Variants in SNAP25 observed in about 807,000 individuals in gnomAD.
SNAP25 encodes synaptosome associated protein 25.
Under a neutral mutation model 28.7 loss-of-function variants are expected in SNAP25, and 3 were observed. The ratio of observed to expected loss-of-function variants is 0.10; its 90% CI spans 0.05 to 0.27. The LOEUF is 0.27. Among genes scored for constraint, SNAP25 ranks in the 10% least tolerant of loss-of-function variants. The probability of loss-of-function intolerance (pLI) is 1.00; values close to 1 mark genes in which losing one functional copy is unlikely to be tolerated. For synonymous variants in SNAP25, 61 were observed against 88.1 expected, an observed-to-expected ratio of 0.69 and a Z score of 1.72; for missense variants, 117 against 278.7, an observed-to-expected ratio of 0.42 and a Z score of 4.13.
At chr20:10,223,808 C>T (rs1463889426) in intron 1 of SNAP25, among the ~76,000 whole-genome samples, 1 of 152,212 alleles carries the variant, frequency 6.6e-6, no homozygotes, top group Non-Finnish European at 1.5e-5. Flanking sequence ...CTTCACAAGA[C>T]TCTCAAGCAC....
At chr20:10,280,218 A>G (rs1403659736) in intron 3 of SNAP25, among the ~76,000 whole-genome samples, 1 of 152,208 alleles carries the variant, frequency 6.6e-6, no homozygotes, top group Non-Finnish European at 1.5e-5. Flanking sequence ...AACAGACTCC[A>G]GGGTGTAGCC....
intron 1 of SNAP25, among the ~76,000 whole-genome samples, chr20:10,239,179 G>C (rs1279351462): frequency 6.6e-6 from 1 of 152,168 alleles, no homozygotes; most frequent in African/African-American, 2.4e-5. Context: ...GGAAGAGTAG[G>C]GGGCCTCGAG....
intron 4 of SNAP25, among the ~76,000 whole-genome samples, chr20:10,285,332 A>G (rs1290444731): frequency 1.3e-5 from 2 of 152,262 alleles, no homozygotes. Context: ...AGATTATTAC[A>G]GAAATGCTAG....
At position 10,241,582 on chromosome 20, in the gene SNAP25, G is replaced by C. The variant is rs141760263; in HGVS notation, c.-64+22605G>C. On this transcript the variant is annotated intron_variant, in intron 1 of 7. Transcript: ENST00000254976. ...GCTAAGTAAGAGATTGAAATAGGGT[G>C]AGGTGGTCGAGAGAGACGGGTCAGG... is the stretch of plus-strand genomic sequence containing the variant. Among the ~76,000 whole-genome samples, 1,322 of 152,174 alleles carry C rather than the reference G, an allele frequency of 8.7e-3. 12 individuals carry two copies. The highest frequency in any genetic ancestry group is 0.015 in the South Asian group (73 of 4,812).
chr20:10,298,361 T>C (rs2123152562), intron 6 of SNAP25, among the ~76,000 whole-genome samples: 1 of 152,324 alleles, frequency 6.6e-6, no homozygotes, highest in Middle Eastern at 3.4e-3. Context: ...GGGCTGCTTT[T>C]GAAACCATAA....
chr20:10,270,033 C>T (rs1483726749), intron 1 of SNAP25, among the ~76,000 whole-genome samples: 1 of 152,020 alleles, frequency 6.6e-6, no homozygotes, highest in African/African-American at 2.4e-5. Context: ...GCGGGCGGAT[C>T]ACCTGAGGTC....
chr20:10,229,645 T>C lies in SNAP25; in HGVS notation c.-64+10668T>C, dbSNP rs2062792719. Among the ~76,000 whole-genome samples the C allele has an allele frequency of 2.0e-5, 3 of 152,100 alleles. No homozygotes were observed. The South Asian group carries it at 6.2e-4, about 31-fold the overall frequency. ...GAAAGATTTTGAAAGTCACACTATT[T>C]TTTGAGCATCTACTATGTGGTAGAT... On this transcript the variant is annotated intron_variant, in intron 1 of 7. Coordinates refer to ENST00000254976, the MANE Select transcript of SNAP25 (RefSeq NM_130811.4).
chr20:10,283,267 A>G (rs6133845), intron 3 of SNAP25, among the ~76,000 whole-genome samples: 18,739 of 152,234 alleles, frequency 0.12, 1,519 homozygotes, highest in African/African-American at 0.22. Context: ...TACTTCCTCA[A>G]TGAGGTATTA....
intron 7 of SNAP25, 137 bp downstream of exon 7, chr20:10,299,549 T>C (rs1042344324): frequency 5.4e-5 from 48 of 892,444 alleles, no homozygotes; most frequent in Non-Finnish European, 7.0e-5. Context: ...TGTTCTTCAT[T>C]TTCCAAGAGA....
intron 4 of SNAP25, among the ~76,000 whole-genome samples, chr20:10,291,972 C>T (rs1182635120): frequency 6.6e-6 from 1 of 152,144 alleles, no homozygotes; most frequent in East Asian, 1.9e-4. Flanking sequence ...TGTATGTAAC[C>T]TTGGCAACCT....
intron 4 of SNAP25, among the ~76,000 whole-genome samples, chr20:10,290,411 CAG>C (rs1488881178): frequency 6.6e-6 from 1 of 152,176 alleles, no homozygotes; most frequent in African/African-American, 2.4e-5. Flanking sequence ...AATTCAGCTT[CAG>C]AGTTTTCTCT....
At chr20:10,306,103 T>A in intron 7 of SNAP25, 26 bp from the exon 8 acceptor site, 1 of 1,611,352 alleles carries the variant, frequency 6.2e-7, no homozygotes, top group Non-Finnish European at 8.5e-7. Context: ...GTAACCTGAG[T>A]TCTGTTTCTT....
At chr20:10,282,162 TGGAAGGAAGGAAGGAA>T (rs536313526) in intron 3 of SNAP25, among the ~76,000 whole-genome samples, 2,140 of 76,558 alleles carry the variant, frequency 0.028, 19 homozygotes, top group Middle Eastern at 0.08. Context: ...GAAGGAAGGA[TGGAAGGAAGGAAGGAA>T]GGAAGGAAGG....
In SNAP25 at chr20:10,278,054, A is replaced by T. The variant is rs376997253; in HGVS notation, c.114+328A>T. The T allele has an allele frequency of 8.5e-5, 17 of 199,674 alleles. No homozygotes were observed. In the South Asian group the frequency reaches 1.2e-3, roughly 14 times the overall value. 12.4% of individuals were successfully genotyped at this position (199,674 alleles called of 1,614,324 possible). A position where few individuals can be genotyped will look rare whatever the true frequency, so the allele number is the denominator to read the frequency against. ...TAGAGCAATTCTTAATATACAAAGG[A>T]ATTATCTACATAAAACTTTATTTGT... On this transcript the variant is annotated intron_variant, in intron 3 of 7. Transcript: ENST00000254976.
intron 5 of SNAP25, among the ~76,000 whole-genome samples, chr20:10,295,393 A>G (rs1435301350): frequency 6.6e-6 from 1 of 152,192 alleles, no homozygotes; most frequent in East Asian, 1.9e-4. Flanking sequence ...GGAGATGGGG[A>G]GTTGGAAAAA....
chr20:10,295,951 G>C (rs184781976), intron 5 of SNAP25, among the ~76,000 whole-genome samples: 93 of 152,268 alleles, frequency 6.1e-4, no homozygotes, highest in African/African-American at 2.1e-3. Context: ...CCCCAGGATA[G>C]TTTAAACTAG....
In SNAP25 at chr20:10,275,604, G is replaced by C; in HGVS notation, c.72+41G>C. On this transcript the variant is annotated intron_variant, in intron 2 of 7. Transcript: ENST00000254976. The stretch of plus-strand genomic sequence containing the variant: ...CTAGGAAGGGAGGCAAAAGATGAAG[G>C]CCTGAGTGGTTTGTCTTATTCAGGT... The C allele has an allele frequency of 2.6e-6, 4 of 1,533,144 alleles. No homozygotes were observed. The South Asian group carries it at 3.6e-5, about 14-fold the overall frequency. The allele number at this position is 1,533,144 out of a possible 1,614,324, so 95.0% of individuals were successfully genotyped here.
chr20:10,279,676 T>C (rs145863980), intron 3 of SNAP25, among the ~76,000 whole-genome samples: 124 of 152,348 alleles, frequency 8.1e-4, no homozygotes, highest in African/African-American at 2.8e-3. Flanking sequence ...AGCTTATTGA[T>C]TGAAGTAGGA....
intron 1 of SNAP25, among the ~76,000 whole-genome samples, chr20:10,228,069 C>A (rs1290944227): frequency 1.3e-4 from 20 of 151,986 alleles, no homozygotes. Context: ...GTAAATAAGT[C>A]CCATTTGTCC....
Sources: gnomAD v4.1 joint callset for allele counts (sites outside exome capture counted in the v4.1 genomes callset) on GRCh38, gnomAD v4.1.1 for gene constraint, MANE v1.5 for transcripts, NCBI Gene and HGNC (gene_info 2026-07-23, HGNC 2026-07-21) for gene names.